The following ATP6V1A variants were observed in gnomAD, a reference collection of about 807,000 sequenced individuals.
ATP6V1A encodes the protein ATPase H+ transporting V1 subunit A, also known as V-type proton ATPase catalytic subunit A.
In ATP6V1A, 18 loss-of-function variants were observed where a neutral mutation model predicts 70.1. The ratio of observed to expected loss-of-function variants is 0.26; its 90% CI spans 0.18 to 0.38. The LOEUF (loss-of-function observed/expected upper bound fraction) is 0.38. ATP6V1A is among the 10% of genes least tolerant of loss of function. The pLI is 1.00. For missense variants in ATP6V1A, 424 were observed against 772.4 expected (o/e 0.55, Z 5.35); for synonymous variants, 232 against 253.8 (o/e 0.91, Z 0.82).
intron 10 of ATP6V1A, 32 bp downstream of exon 10, chr3:113,795,236 GA>G: frequency 1.3e-6 from 2 of 1,592,074 alleles, no homozygotes; most frequent in Non-Finnish European, 1.7e-6. Context: ...TTTGCAAAAG[GA>G]AAAAAGTCAC....
Position 113,778,783 on chromosome 3 carries a change from C to T in ATP6V1A, c.30C>T (p.Leu10=), listed in dbSNP as rs1708946008. The change falls in exon 2 of 15, where the codon CTC becomes CTT. Residue 10 remains leucine, a synonymous_variant. Coordinates refer to ENST00000273398, the MANE Select transcript of ATP6V1A (RefSeq NM_001690.4). Reference sequence around the variant, plus strand: ...ATTTTTCCAAGCTACCCAAAATACTCGATGAAGATAAAGAAAGCACATTTG... The same window carrying T: ...ATTTTTCCAAGCTACCCAAAATACTTGATGAAGATAAAGAAAGCACATTTG... MDFSKLPKI[L]DEDKESTFGY... is the part of the protein sequence containing the mutation. The T allele has an allele frequency of 1.8e-5, 28 of 1,593,864 alleles. No homozygotes were observed. The highest frequency in any genetic ancestry group is 1.1e-4 in the East Asian group (5 of 43,604).
rs995766200 is a variant in ATP6V1A, at chr3:113,749,052, C to A, written c.-14+1939C>A. Among the ~76,000 whole-genome samples the A allele has an allele frequency of 5.9e-5, 9 of 152,036 alleles. No individual in the cohort carries two copies. In the East Asian group the frequency reaches 1.7e-3, roughly 29 times the overall value. The stretch of plus-strand genomic sequence containing the variant: ...TGAGACCAAAATGTGAAAGAGAAAA[C>A]CAGCTAGAAGCATTGACTACTAGAG... On this transcript the variant is annotated intron_variant, in intron 1 of 14. Coordinates refer to ENST00000273398, the MANE Select transcript of ATP6V1A (RefSeq NM_001690.4).
chr3:113,787,844 TTTG>T lies in ATP6V1A; in HGVS notation c.717-864_717-862del, dbSNP rs201566893. Among the ~76,000 whole-genome samples the T allele has an allele frequency of 2.0e-5, 3 of 152,342 alleles. No homozygotes were observed. The East Asian group carries it at 5.8e-4, about 29-fold the overall frequency. ...TCTGCTGCCCAGCAATCTTTCTTAA[TTTG>T]TTGTCTGCTCTTTCCATTTTCTACG... On this transcript the variant is annotated intron_variant, in intron 6 of 14. Transcript: ENST00000273398.
chr3:113,772,156 T>G (rs1285382986), intron 1 of ATP6V1A, among the ~76,000 whole-genome samples: 1 of 152,222 alleles, frequency 6.6e-6, no homozygotes, highest in Non-Finnish European at 1.5e-5. Flanking sequence ...GCTGGGCCTT[T>G]GTACCTCCAT....
At chr3:113,794,290 G>T (rs1347259411) in intron 8 of ATP6V1A, among the ~76,000 whole-genome samples, 1 of 152,214 alleles carries the variant, frequency 6.6e-6, no homozygotes, top group Non-Finnish European at 1.5e-5. Context: ...GTGTGTGTAT[G>T]TGATATATAG....
chr3:113,760,753 A>C lies in ATP6V1A; in HGVS notation c.-14+13640A>C, dbSNP rs181245870. 2.2e-3 allele frequency among the ~76,000 whole-genome samples: 333 copies of C among 150,494 alleles called. 1 individual carries two copies. The highest frequency in any genetic ancestry group is 7.2e-3 in the African/African-American group (294 of 40,962). On this transcript the variant is annotated intron_variant, in intron 1 of 14. Transcript: ENST00000273398. ...AAAAAATAAAAAATAAAACTAAACA[A>C]ATGACAGGATGGATTCGTTTAAATA...
intron 3 of ATP6V1A, among the ~76,000 whole-genome samples, chr3:113,782,995 ACCTAGCTTGTAGAGACTGGGAGTCCACT>A (rs1708996701): frequency 6.6e-6 from 1 of 152,130 alleles, no homozygotes; most frequent in Non-Finnish European, 1.5e-5. Flanking sequence ...TAAATATAGA[ACCTAGCTTGTAGAGACTGGGAGTCCACT>A]GTAAAATTCT....
chr3:113,779,929 T>C (rs1708960227), intron 2 of ATP6V1A, among the ~76,000 whole-genome samples: 1 of 152,214 alleles, frequency 6.6e-6, no homozygotes. Flanking sequence ...TAGGTATACA[T>C]GTGCCATGGT....
intron 1 of ATP6V1A, among the ~76,000 whole-genome samples, chr3:113,777,737 A>G (rs1708932330): frequency 6.6e-6 from 1 of 152,176 alleles, no homozygotes; most frequent in South Asian, 2.1e-4. Context: ...AAATCGACGG[A>G]GACAGACTGT....
At chr3:113,752,597 C>T (rs1402985171) in intron 1 of ATP6V1A, among the ~76,000 whole-genome samples, 1 of 151,822 alleles carries the variant, frequency 6.6e-6, no homozygotes, top group African/African-American at 2.4e-5. Context: ...TTGTCTCATC[C>T]AGGTAGCTGA....
intron 1 of ATP6V1A, among the ~76,000 whole-genome samples, chr3:113,760,031 A>G (rs895425038): frequency 2.0e-5 from 3 of 152,216 alleles, no homozygotes; most frequent in Admixed American, 2.0e-4. Context: ...GACCTTGAGC[A>G]CATACCAGAG....
chr3:113,786,191 C>A, intron 5 of ATP6V1A, 41 bp from the exon 6 acceptor site: 1 of 1,532,142 alleles, frequency 6.5e-7, no homozygotes, highest in South Asian at 1.2e-5. Context: ...AAGAAATGTT[C>A]ACAAATTTGA....
At chr3:113,788,933 G>A in intron 7 of ATP6V1A, 58 bp downstream of exon 7, 3 of 1,488,832 alleles carry the variant, frequency 2.0e-6, no homozygotes, top group South Asian at 2.4e-5. Context: ...AGTGTTCATT[G>A]ACAATTAATA....
intron 1 of ATP6V1A, among the ~76,000 whole-genome samples, chr3:113,753,745 G>C (rs574757340): frequency 1.3e-4 from 19 of 148,972 alleles, no homozygotes; most frequent in African/African-American, 4.7e-4. Flanking sequence ...ACCCAGATTG[G>C]AGTGTACTGG....
intron 1 of ATP6V1A, among the ~76,000 whole-genome samples, chr3:113,758,929 C>T (rs748816988): frequency 6.6e-6 from 1 of 152,160 alleles, no homozygotes; most frequent in Non-Finnish European, 1.5e-5. Flanking sequence ...GACTAATGAG[C>T]TTAAGCATCT....
At chr3:113,765,559 G>A (rs1455942928) in intron 1 of ATP6V1A, among the ~76,000 whole-genome samples, 1 of 151,538 alleles carries the variant, frequency 6.6e-6, no homozygotes, top group Non-Finnish European at 1.5e-5. Flanking sequence ...GAACTGAGAT[G>A]GTGCCATTGC....
At chr3:113,798,579 T>TTCTATTCATTATAGTAG in intron 12 of ATP6V1A, 133 bp downstream of exon 12, 1 of 741,092 alleles carries the variant, frequency 1.3e-6, no homozygotes, top group Non-Finnish European at 1.9e-6. Flanking sequence ...AATTGAAATT[T>TTCTATTCATTATAGTAG]TCTATTCATT....
chr3:113,794,895 C>T lies in ATP6V1A; in HGVS notation c.1012C>T (p.Arg338Cys), dbSNP rs1060505036. 3.7e-6 allele frequency: 6 copies of T among 1,613,302 alleles called. No homozygotes were observed. The highest frequency in any genetic ancestry group is 1.1e-5 in the South Asian group (1 of 90,918). Residue 338 changes from arginine (R) to cysteine (C), a missense_variant, in exon 9 of 15, where the codon CGT becomes TGT. By Grantham distance (180) the Arg-to-Cys change is radical. This residue lies in a region of ATP6V1A where 58 missense variants were observed against 181.5 expected (regional missense o/e 0.32). Transcript: ENST00000273398. Reference protein sequence around the residue: ...YTGITLSEYFRDMGYHVSMMA... With the variant: ...YTGITLSEYFCDMGYHVSMMA... ...AGGAATCACACTGTCAGAGTACTTC[C>T]GTGACATGGGCTATCATGTCAGTAT...
intron 6 of ATP6V1A, 147 bp downstream of exon 6, chr3:113,786,530 T>A: frequency 1.2e-6 from 1 of 816,726 alleles, no homozygotes; most frequent in Non-Finnish European, 1.7e-6. Flanking sequence ...TATTTTTATC[T>A]ATTGCTAGCA....
Sources: gnomAD v4.1 joint callset for allele counts (sites outside exome capture counted in the v4.1 genomes callset) on GRCh38, gnomAD v4.1.1 for gene constraint, gnomAD v4.1.1 regional missense constraint, MANE v1.5 for transcripts, NCBI Gene and HGNC (gene_info 2026-07-23, HGNC 2026-07-21) for gene names.